CABLES1: variants seen among roughly 807,000 people sequenced by gnomAD.
CABLES1 encodes the protein CDK5 and ABL1 enzyme substrate 1.
A neutral mutation model predicts 57.8 loss-of-function variants in CABLES1; 36 were observed. The ratio of observed to expected loss-of-function variants is 0.62; its 90% CI spans 0.48 to 0.82. The LOEUF (loss-of-function observed/expected upper bound fraction) is 0.82. Ranked by LOEUF, CABLES1 falls within the 40% of genes least tolerant of loss-of-function variation. The pLI is 0.00. For synonymous variants in CABLES1, 374 were observed against 363.0 expected (o/e 1.03, Z -0.35); for missense variants, 767 against 836.6 (o/e 0.92, Z 1.03).
intron 3 of CABLES1, among the ~76,000 whole-genome samples, chr18:23,203,609 CAT>C (rs1320198468): frequency 6.6e-6 from 1 of 150,592 alleles, no homozygotes; most frequent in African/African-American, 2.4e-5. Context: ...GGGGATGGGT[CAT>C]AACTAAATTA....
intron 3 of CABLES1, among the ~76,000 whole-genome samples, chr18:23,200,541 C>T (rs752304159): frequency 1.4e-4 from 21 of 152,010 alleles, no homozygotes; most frequent in Non-Finnish European, 1.8e-4. Context: ...GGATTACAGG[C>T]GTGAGCCACC....
chr18:23,237,498 C>T (rs1403146637), intron 7 of CABLES1, among the ~76,000 whole-genome samples: 1 of 152,248 alleles, frequency 6.6e-6, no homozygotes, highest in Non-Finnish European at 1.5e-5. Flanking sequence ...TTGGGGGACC[C>T]TCTCCTCTGA....
At chr18:23,173,078 G>A (rs371449411) in intron 1 of CABLES1, among the ~76,000 whole-genome samples, 19 of 152,324 alleles carry the variant, frequency 1.2e-4, no homozygotes, top group East Asian at 5.8e-4. Flanking sequence ...TGTGCAGTAA[G>A]GAGGTTTCCT....
intron 4 of CABLES1, among the ~76,000 whole-genome samples, chr18:23,229,988 C>A (rs1180059655): frequency 2.6e-5 from 4 of 152,206 alleles, no homozygotes; most frequent in African/African-American, 9.7e-5. Flanking sequence ...AGAGCCCTTA[C>A]CTAAGAAGAA....
intron 3 of CABLES1, among the ~76,000 whole-genome samples, chr18:23,210,643 GT>G (rs2047398151): frequency 6.6e-6 from 1 of 152,140 alleles, no homozygotes; most frequent in Admixed American, 6.5e-5. Flanking sequence ...ACTGTTCAAG[GT>G]TTCCCAGTGT....
chr18:23,169,219 A>G (rs1488679803), intron 1 of CABLES1, among the ~76,000 whole-genome samples: 1 of 152,188 alleles, frequency 6.6e-6, no homozygotes, highest in African/African-American at 2.4e-5. Flanking sequence ...CTTGTTTAGC[A>G]TATCATCAAG....
chr18:23,188,979 T>TTA, intron 2 of CABLES1, 70 bp downstream of exon 2: 1 of 1,054,248 alleles, frequency 9.5e-7, no homozygotes, highest in Non-Finnish European at 1.4e-6. Flanking sequence ...TTTTGGTTTT[T>TTA]TAACTTCTTG....
At chr18:23,137,942 C>G (rs928665122) in intron 1 of CABLES1, among the ~76,000 whole-genome samples, 1 of 152,142 alleles carries the variant, frequency 6.6e-6, no homozygotes, top group Non-Finnish European at 1.5e-5. Context: ...GCATGCATCT[C>G]CCCCGCAGCA....
At chr18:23,239,719 C>T (rs2047688558) in intron 7 of CABLES1, among the ~76,000 whole-genome samples, 1 of 152,216 alleles carries the variant, frequency 6.6e-6, no homozygotes. Context: ...ACTAACCAGC[C>T]ACAACCCCTC....
chr18:23,225,086 C>T (rs2047518617), intron 4 of CABLES1, among the ~76,000 whole-genome samples: 1 of 152,122 alleles, frequency 6.6e-6, no homozygotes, highest in Non-Finnish European at 1.5e-5. Context: ...AGGCTGGTCT[C>T]AAAATCCTGG....
chr18:23,171,139 A>G (rs2047079572), intron 1 of CABLES1, among the ~76,000 whole-genome samples: 1 of 152,152 alleles, frequency 6.6e-6, no homozygotes, highest in African/African-American at 2.4e-5. Context: ...GGGAGTGCTA[A>G]TGGGTTTCAT....
rs369399531 is a variant in CABLES1, at chr18:23,234,593, G to C, written c.1089-15G>C. 1 of 1,599,326 alleles carries C rather than the reference G, an allele frequency of 6.3e-7. No homozygotes were observed. The highest frequency in any genetic ancestry group is 8.6e-7 in the Non-Finnish European group (1 of 1,169,472). On this transcript the variant is annotated splice_polypyrimidine_tract_variant and intron_variant, in intron 4 of 9. Coordinates refer to ENST00000256925, the MANE Select transcript of CABLES1 (RefSeq NM_001100619.3). ...ACACAAAAGCATTTTTTTTTCCTCT[G>C]ACTTGTCCTCCCAGGGACTTGAAGT...
chr18:23,136,618 G>A lies in CABLES1; in HGVS notation c.845+11G>A, dbSNP rs2046824130. The A allele has an allele frequency of 7.2e-7, 1 of 1,380,204 alleles. No homozygotes were observed. The allele number at this position is 1,380,204 out of a possible 1,614,324, so 85.5% of individuals were successfully genotyped here. A position where few individuals can be genotyped will look rare whatever the true frequency, so the allele number is the denominator to read the frequency against. On this transcript the variant is annotated intron_variant, in intron 1 of 9. Coordinates refer to ENST00000256925, the MANE Select transcript of CABLES1 (RefSeq NM_001100619.3). ...GCTGCAGAGGTCCCGGTGAGTATCC[G>A]GGATGCGACGCGCACCCAACCCTGC...
intron 4 of CABLES1, among the ~76,000 whole-genome samples, chr18:23,215,508 T>C (rs2047435029): frequency 6.6e-6 from 1 of 152,210 alleles, no homozygotes; most frequent in South Asian, 2.1e-4. Flanking sequence ...GGTCCTCTCT[T>C]GGCCAGAGCT....
chr18:23,215,728 A>C (rs563528660), intron 4 of CABLES1, among the ~76,000 whole-genome samples: 1 of 151,644 alleles, frequency 6.6e-6, no homozygotes, highest in Admixed American at 6.6e-5. Context: ...AATTACACAC[A>C]CAATTAACTA....
At chr18:23,227,341 CAG>C (rs1199640126) in intron 4 of CABLES1, among the ~76,000 whole-genome samples, 3 of 152,200 alleles carry the variant, frequency 2.0e-5, no homozygotes, top group Non-Finnish European at 2.9e-5. Context: ...TATTCCCACA[CAG>C]AGACAGATTC....
chr18:23,257,787 A>G lies in CABLES1; in HGVS notation c.*420A>G. The G allele has an allele frequency of 6.2e-6, 1 of 160,470 alleles. No homozygotes were observed. The allele number at this position is 160,470 out of a possible 1,614,324, so 9.9% of individuals were successfully genotyped here. The stretch of plus-strand genomic sequence containing the variant: ...TGCAGAAGTTGGGGGAAAACTTTTA[A>G]AAGATACCCTCATTGTGTCAAAGAG... On this transcript the variant is annotated 3_prime_UTR_variant, in exon 10 of 10. Coordinates refer to ENST00000256925, the MANE Select transcript of CABLES1 (RefSeq NM_001100619.3).
chr18:23,203,272 C>G (rs1358164066), intron 3 of CABLES1, among the ~76,000 whole-genome samples: 5 of 152,034 alleles, frequency 3.3e-5, no homozygotes, highest in African/African-American at 1.2e-4. Context: ...AGTGCCGCCT[C>G]CTGGGTCTGC....
At chr18:23,192,452 G>A (rs1449811254) in intron 2 of CABLES1, among the ~76,000 whole-genome samples, 4 of 152,212 alleles carry the variant, frequency 2.6e-5, no homozygotes, top group Non-Finnish European at 4.4e-5. Context: ...GAGCAACTCA[G>A]GCCATCCTTC....
Sources: allele counts gnomAD v4.1 joint callset (sites outside exome capture counted in the v4.1 genomes callset), GRCh38; gene constraint gnomAD v4.1.1; transcripts MANE v1.5; gene names NCBI Gene and HGNC (gene_info 2026-07-23, HGNC 2026-07-21).